CA10: variants seen among roughly 807,000 people sequenced by gnomAD.
CA10 encodes carbonic anhydrase 10 (inactive).
In CA10, 14 loss-of-function variants were observed where a neutral mutation model predicts 44.2. The ratio of observed to expected loss-of-function variants is 0.32; its 90% CI spans 0.21 to 0.50. CA10 has a LOEUF of 0.50. Among genes scored for constraint, CA10 ranks in the 20% least tolerant of loss-of-function variants. The pLI is 0.99. For missense variants in CA10, 350 were observed against 409.7 expected (o/e 0.85, Z 1.26); for synonymous variants, 159 against 141.6 (o/e 1.12, Z -0.87).
At chr17:52,016,331 G>C (rs750058543) in intron 2 of CA10, among the ~76,000 whole-genome samples, 1 of 152,106 alleles carries the variant, frequency 6.6e-6, no homozygotes, top group African/African-American at 2.4e-5. Flanking sequence ...TTTAAGGAAG[G>C]ACCACACCCA....
chr17:51,893,136 G>T (rs1158064392), intron 3 of CA10, among the ~76,000 whole-genome samples: 3 of 151,878 alleles, frequency 2.0e-5, no homozygotes, highest in African/African-American at 7.3e-5. Context: ...CAGATAAAAA[G>T]ACTATAATCA....
chr17:51,892,584 G>A (rs945593815), intron 3 of CA10, among the ~76,000 whole-genome samples: 1 of 152,164 alleles, frequency 6.6e-6, no homozygotes, highest in Non-Finnish European at 1.5e-5. Context: ...AGATAATCTT[G>A]TTATGGCAAA....
chr17:51,939,197 A>G (rs1982982763), intron 2 of CA10, among the ~76,000 whole-genome samples: 1 of 152,124 alleles, frequency 6.6e-6, no homozygotes, highest in Non-Finnish European at 1.5e-5. Flanking sequence ...AAGTAACATT[A>G]TGCCATGGAT....
chr17:52,116,058 C>T (rs1988888397), intron 1 of CA10, among the ~76,000 whole-genome samples: 1 of 150,438 alleles, frequency 6.6e-6, no homozygotes, highest in African/African-American at 2.5e-5. Flanking sequence ...GGCCACTGCA[C>T]TCCAGCCTGG....
At chr17:52,155,874 A>G (rs1989793155) in intron 1 of CA10, among the ~76,000 whole-genome samples, 1 of 152,164 alleles carries the variant, frequency 6.6e-6, no homozygotes, top group African/African-American at 2.4e-5. Flanking sequence ...CCCCCTCCTA[A>G]TGCTTCCATT....
chr17:51,988,159 G>A (rs1010345321), intron 2 of CA10, among the ~76,000 whole-genome samples: 4 of 152,066 alleles, frequency 2.6e-5, no homozygotes, highest in African/African-American at 9.6e-5. Flanking sequence ...AATTGAACTT[G>A]GATTAGTTGT....
chr17:51,869,737 CCT>C (rs1307470316), intron 3 of CA10, among the ~76,000 whole-genome samples: 2 of 152,022 alleles, frequency 1.3e-5, no homozygotes, highest in African/African-American at 4.8e-5. Flanking sequence ...GAGCAAACCC[CCT>C]GTCTCTACAA....
chr17:51,882,771 C>T (rs1162386457), intron 3 of CA10, among the ~76,000 whole-genome samples: 1 of 152,156 alleles, frequency 6.6e-6, no homozygotes, highest in Non-Finnish European at 1.5e-5. Context: ...AATTTGTCAG[C>T]TTACAGACCT....
At chr17:52,030,324 A>G (rs1048807542) in intron 2 of CA10, among the ~76,000 whole-genome samples, 3 of 152,170 alleles carry the variant, frequency 2.0e-5, no homozygotes, top group African/African-American at 7.2e-5. Context: ...ATGAGTTGCA[A>G]AACAGTGGGA....
intron 1 of CA10, among the ~76,000 whole-genome samples, chr17:52,097,848 G>A (rs1988443063): frequency 6.6e-6 from 1 of 152,172 alleles, no homozygotes; most frequent in Non-Finnish European, 1.5e-5. Flanking sequence ...GAATGAGGAT[G>A]ACTTTAACAG....
At chr17:51,975,526 A>G (rs964453671) in intron 2 of CA10, among the ~76,000 whole-genome samples, 1 of 152,184 alleles carries the variant, frequency 6.6e-6, no homozygotes, top group Non-Finnish European at 1.5e-5. Flanking sequence ...TAAAAATACA[A>G]TAACGTAGAC....
At position 51,747,801 on chromosome 17, in the gene CA10, G is replaced by A. The variant is rs1904752929; in HGVS notation, c.297C>T (p.Tyr99=). The A allele has an allele frequency of 6.2e-7, 1 of 1,611,940 alleles. No individual in the cohort carries two copies. The highest frequency in any genetic ancestry group is 8.5e-7 in the Non-Finnish European group (1 of 1,179,140). The change falls in exon 4 of 9, where the codon TAC becomes TAT. Residue 99 remains tyrosine, a synonymous_variant. Coordinates refer to ENST00000451037, the MANE Select transcript of CA10 (RefSeq NM_020178.5). ...TGGRKVSGTM[Y]NTGRHVSLRL... ...GAAGGGATACGTGTCTTCCAGTGTTGTACATGGTCCCACTGACCTGCAAGG... is the reference window on the plus strand; with the variant it reads ...GAAGGGATACGTGTCTTCCAGTGTTATACATGGTCCCACTGACCTGCAAGG...
intron 3 of CA10, among the ~76,000 whole-genome samples, chr17:51,885,795 G>A (rs1353765993): frequency 6.6e-6 from 1 of 152,152 alleles, no homozygotes; most frequent in South Asian, 2.1e-4. Context: ...CCAGTGCTTG[G>A]ACTGTAACAG....
intron 4 of CA10, among the ~76,000 whole-genome samples, chr17:51,745,496 T>C (rs1417743500): frequency 6.6e-6 from 1 of 152,212 alleles, no homozygotes; most frequent in Non-Finnish European, 1.5e-5. Context: ...CGTCAGACTC[T>C]CCTGGGAACT....
intron 2 of CA10, 126 bp from the exon 3 acceptor site, chr17:51,931,258 A>C: frequency 5.8e-6 from 5 of 859,390 alleles, no homozygotes; most frequent in Non-Finnish European, 9.0e-6. Context: ...ACCCATGGAG[A>C]TCCTTGGGGG....
At chr17:51,714,096 T>G (rs1184674511) in intron 4 of CA10, among the ~76,000 whole-genome samples, 1 of 152,198 alleles carries the variant, frequency 6.6e-6, no homozygotes, top group Non-Finnish European at 1.5e-5. Context: ...TGTCTGTATA[T>G]GTGTGCATTT....
At chr17:51,667,037 T>C (rs956394618) in intron 4 of CA10, among the ~76,000 whole-genome samples, 5 of 152,228 alleles carry the variant, frequency 3.3e-5, no homozygotes, top group Non-Finnish European at 7.3e-5. Context: ...AAGCAATGAT[T>C]CAGGAACTAA....
intron 3 of CA10, among the ~76,000 whole-genome samples, chr17:51,881,101 A>C (rs113123731): frequency 1.3e-5 from 2 of 151,812 alleles, no homozygotes; most frequent in Non-Finnish European, 2.9e-5. Context: ...TTAGCCAGGC[A>C]TGGTGGCTGG....
intron 1 of CA10, among the ~76,000 whole-genome samples, chr17:52,134,443 A>C (rs1989306311): frequency 6.6e-6 from 1 of 152,142 alleles, no homozygotes; most frequent in Non-Finnish European, 1.5e-5. Context: ...AAATTATTTA[A>C]TATCACTGAG....
Sources: allele counts gnomAD v4.1 joint callset (sites outside exome capture counted in the v4.1 genomes callset), GRCh38; gene constraint gnomAD v4.1.1; transcripts MANE v1.5; gene names NCBI Gene and HGNC (gene_info 2026-07-23, HGNC 2026-07-21).